SLA: variants seen among roughly 807,000 people sequenced by gnomAD.
The protein encoded by SLA is Src like adaptor, also known as src-like-adapter.
SLA carries 16 observed loss-of-function variants against 30.3 expected under a neutral mutation model. That is an observed-to-expected ratio of 0.53 (90% confidence interval 0.36 to 0.80). The LOEUF is 0.80. Ranked by LOEUF, SLA falls within the 30% of genes least tolerant of loss-of-function variation. SLA has a pLI of 0.01. For missense variants in SLA, 310 were observed against 345.2 expected, an observed-to-expected ratio of 0.90 and a Z score of 0.81; for synonymous variants, 143 against 137.8, an observed-to-expected ratio of 1.04 and a Z score of -0.26.
chr8:133,079,559 G>A (rs1041138605), intron 1 of SLA, among the ~76,000 whole-genome samples: 8 of 152,158 alleles, frequency 5.3e-5, no homozygotes, highest in Non-Finnish European at 1.0e-4. Context: ...GGTTCTAGGA[G>A]GTTAAGAGCT....
chr8:133,079,652 C>A (rs188621160), intron 1 of SLA, among the ~76,000 whole-genome samples: 4 of 152,262 alleles, frequency 2.6e-5, no homozygotes, highest in Admixed American at 2.6e-4. Flanking sequence ...CCAGTATGAG[C>A]AGATTTCCAT....
chr8:133,049,892 A>G lies in SLA; in HGVS notation c.248+10T>C. ...ATGCTTAATTGCTGCCATTTGAGAAATGTACTCACCCATGGTAAACTCTGG... is the reference window on the plus strand; with the variant it reads ...ATGCTTAATTGCTGCCATTTGAGAAGTGTACTCACCCATGGTAAACTCTGG... On this transcript the variant is annotated intron_variant, in intron 5 of 8. Coordinates refer to ENST00000338087, the MANE Select transcript of SLA (RefSeq NM_001045556.3). The G allele has an allele frequency of 1.3e-6, 2 of 1,565,612 alleles. No individual in the cohort carries two copies. Among genetic ancestry groups the G allele is most frequent in the Non-Finnish European group, 1.8e-6 (2 of 1,135,696 alleles).
intron 1 of SLA, among the ~76,000 whole-genome samples, chr8:133,090,410 G>T (rs1847306553): frequency 6.6e-6 from 1 of 152,152 alleles, no homozygotes; most frequent in East Asian, 1.9e-4. Flanking sequence ...GCTGTGGCAG[G>T]ACATAAATCA....
At chr8:133,101,925 G>A (rs1187779876) in intron 1 of SLA, among the ~76,000 whole-genome samples, 3 of 152,102 alleles carry the variant, frequency 2.0e-5, no homozygotes, top group Admixed American at 6.5e-5. Context: ...GAGTGTCCTG[G>A]GTGTCCTTGG....
At position 133,039,908 on chromosome 8, in the gene SLA, G is replaced by A. The variant is rs1356453341; in HGVS notation, c.617+90C>T. Reference sequence around the variant, plus strand: ...TCTGGCCATGGTTTTCATGTGCTCGGCACACACACCGTTTTGTGCTCACAT... The same window carrying A: ...TCTGGCCATGGTTTTCATGTGCTCGACACACACACCGTTTTGTGCTCACAT... On this transcript the variant is annotated intron_variant, in intron 8 of 8. Transcript: ENST00000338087. The A allele has an allele frequency of 4.7e-6, 7 of 1,494,490 alleles. No homozygotes were observed. In the Admixed American group the frequency reaches 1.4e-4, roughly 30 times the overall value. 92.6% of individuals were successfully genotyped at this position (1,494,490 alleles called of 1,614,324 possible). A position where few individuals can be genotyped will look rare whatever the true frequency, so the allele number is the denominator to read the frequency against.
chr8:133,080,313 A>G (rs145877426), intron 1 of SLA, among the ~76,000 whole-genome samples: 2 of 152,290 alleles, frequency 1.3e-5, no homozygotes, highest in East Asian at 1.9e-4. Flanking sequence ...CACTCACTCT[A>G]TGTATCTAGA....
At chr8:133,056,055 G>A (rs1159755324) in intron 3 of SLA, among the ~76,000 whole-genome samples, 1 of 152,168 alleles carries the variant, frequency 6.6e-6, no homozygotes. Flanking sequence ...CTGAGTGCCA[G>A]GTTTCAAAAC....
At chr8:133,044,202 T>G (rs182291169) in intron 7 of SLA, among the ~76,000 whole-genome samples, 8 of 152,304 alleles carry the variant, frequency 5.3e-5, no homozygotes, top group Admixed American at 2.6e-4. Flanking sequence ...CGTTCACAAT[T>G]TCTCCCTTTT....
chr8:133,091,380 G>A lies in SLA; in HGVS notation c.-319+11173C>T, dbSNP rs1187840811. On this transcript the variant is annotated intron_variant, in intron 1 of 8. Transcript: ENST00000338087. ...GTGCAAGGCGTGCCAGGAGGGAGGC[G>A]GAGTCCATCCAGAGGACCCTCTGAC... Among the ~76,000 whole-genome samples, 5 of 152,260 alleles carry A rather than the reference G, an allele frequency of 3.3e-5. No homozygotes were observed. In the East Asian group the frequency reaches 5.8e-4, roughly 18 times the overall value.
chr8:133,055,215 G>A (rs1227474049), intron 3 of SLA, among the ~76,000 whole-genome samples: 1 of 152,086 alleles, frequency 6.6e-6, no homozygotes, highest in Non-Finnish European at 1.5e-5. Flanking sequence ...AAGCAGCTCA[G>A]GGCAACTGGT....
At chr8:133,097,081 C>T (rs1387619635) in intron 1 of SLA, among the ~76,000 whole-genome samples, 1 of 152,212 alleles carries the variant, frequency 6.6e-6, no homozygotes, top group Non-Finnish European at 1.5e-5. Context: ...ACAGGGAAGC[C>T]CAGTGTGCAT....
At chr8:133,058,405 A>C (rs538086469) in intron 3 of SLA, among the ~76,000 whole-genome samples, 5 of 152,358 alleles carry the variant, frequency 3.3e-5, no homozygotes, top group African/African-American at 1.2e-4. Flanking sequence ...ATAATGGAAC[A>C]AAATCAACTT....
At chr8:133,094,977 G>A in intron 1 of SLA, 1 of 1,607,878 alleles carries the variant, frequency 6.2e-7, no homozygotes, top group Non-Finnish European at 8.5e-7. Flanking sequence ...GTGGCACTGA[G>A]GACTCCAGGT....
chr8:133,045,084 C>T lies in SLA; in HGVS notation c.384G>A (p.Gln128=), dbSNP rs773499159. The part of the protein sequence containing the change: ...GFYSLSVRHR[Q]VKHYRIFRLP... ...GACGGAAAATGCGGTAATGCTTTAC[C>T]TGCCTGTGTCTCACCGACAGTGAGT... Residue 128 remains glutamine, a synonymous_variant, in exon 7 of 9, where the codon CAG becomes CAA. Transcript: ENST00000338087. 3.1e-6 allele frequency: 5 copies of T among 1,614,204 alleles called. No homozygotes were observed. The highest frequency in any genetic ancestry group is 2.2e-5 in the South Asian group (2 of 91,088).
chr8:133,068,891 G>A (rs1843516319), intron 2 of SLA, among the ~76,000 whole-genome samples: 1 of 152,280 alleles, frequency 6.6e-6, no homozygotes, highest in Non-Finnish European at 1.5e-5. Flanking sequence ...TGTTGGACCA[G>A]AACAAATTTG....
chr8:133,058,058 G>A (rs1010977979), intron 3 of SLA, among the ~76,000 whole-genome samples: 15 of 152,198 alleles, frequency 9.9e-5, no homozygotes, highest in African/African-American at 3.6e-4. Flanking sequence ...GAGGGTAACC[G>A]GATGAGCAGC....
chr8:133,066,003 C>G (rs746296677), intron 2 of SLA, among the ~76,000 whole-genome samples: 1 of 151,998 alleles, frequency 6.6e-6, no homozygotes, highest in Non-Finnish European at 1.5e-5. Flanking sequence ...TTGAGGCATG[C>G]TGTGGTCAAA....
rs1849401697 is a variant in SLA at position 133,102,549 on chromosome 8, C to G, written c.-319+4G>C. On this transcript the variant is annotated splice_donor_region_variant and intron_variant, in intron 1 of 8. Coordinates refer to ENST00000338087, the MANE Select transcript of SLA (RefSeq NM_001045556.3). ...TCCCAATGACAGCAAAGTTAGCAAC[C>G]TACCGGTGGAGCATCAGGGCTGCCT... The G allele has an allele frequency of 6.4e-7, 1 of 1,551,560 alleles. No homozygotes were observed. The highest frequency in any genetic ancestry group is 2.0e-5 in the Admixed American group (1 of 50,992).
chr8:133,079,612 C>T (rs1042904935), intron 1 of SLA, among the ~76,000 whole-genome samples: 1 of 152,138 alleles, frequency 6.6e-6, no homozygotes, highest in Non-Finnish European at 1.5e-5. Context: ...GATGTTGCAG[C>T]CCCATGCTGG....
Sources: gnomAD v4.1 joint callset for allele counts (sites outside exome capture counted in the v4.1 genomes callset) on GRCh38, gnomAD v4.1.1 for gene constraint, MANE v1.5 for transcripts, NCBI Gene and HGNC (gene_info 2026-07-23, HGNC 2026-07-21) for gene names.